The following CNTN1 variants were observed in gnomAD, a reference collection of about 807,000 sequenced individuals.
The protein encoded by CNTN1 is contactin 1, also known as contactin-1.
CNTN1 carries 38 observed loss-of-function variants against 126.4 expected under a neutral mutation model. The ratio of observed to expected loss-of-function variants is 0.30; its 90% CI spans 0.23 to 0.39. The LOEUF is 0.39. Ranked by LOEUF, CNTN1 falls within the 10% of genes least tolerant of loss-of-function variation. The pLI is 1.00. For missense variants in CNTN1, 1,009 were observed against 1,248.4 expected (o/e 0.81, Z 2.89); for synonymous variants, 413 against 422.6 (o/e 0.98, Z 0.28).
At chr12:40,922,219 T>G in intron 4 of CNTN1, 37 bp from the exon 5 acceptor site, 1 of 1,593,182 alleles carries the variant, frequency 6.3e-7, no homozygotes, top group Middle Eastern at 1.7e-4. Context: ...CTAGGTCTCA[T>G]GACCTGTGAT....
At chr12:40,992,311 A>G (rs574139615) in intron 16 of CNTN1, among the ~76,000 whole-genome samples, 1 of 152,248 alleles carries the variant, frequency 6.6e-6, no homozygotes, top group East Asian at 1.9e-4. Flanking sequence ...TTATGTATTC[A>G]TGGTCTACAT....
rs1472615017 is a variant in CNTN1, at chr12:40,808,725, AT to A, written c.-76-99630del. Among the ~76,000 whole-genome samples, 4 of 152,302 alleles carry A rather than the reference AT, an allele frequency of 2.6e-5. No individual in the cohort carries two copies. The East Asian group carries it at 7.7e-4, about 29-fold the overall frequency. ...AGCCTTTGAGGACAAGAGCTTTTAA[AT>A]TCCAACCACCAGATTGGGTTTTGAC... On this transcript the variant is annotated intron_variant, in intron 1 of 23. Transcript: ENST00000551295.
chr12:40,907,017 T>A (rs1234445636), intron 1 of CNTN1, among the ~76,000 whole-genome samples: 2 of 152,190 alleles, frequency 1.3e-5, no homozygotes, highest in African/African-American at 2.4e-5. Context: ...CAATTCTATG[T>A]CATGAGATTT....
chr12:40,967,656 T>C (rs1025761399), intron 15 of CNTN1, among the ~76,000 whole-genome samples: 58 of 152,106 alleles, frequency 3.8e-4, no homozygotes, highest in African/African-American at 1.4e-3. Context: ...TACCAGATAA[T>C]TATGCCAAAT....
intron 9 of CNTN1, 111 bp downstream of exon 9, chr12:40,933,989 C>T: frequency 7.7e-6 from 6 of 777,864 alleles, no homozygotes; most frequent in South Asian, 6.6e-5. Flanking sequence ...AACAGTGATG[C>T]ATGTTACATC....
intron 17 of CNTN1, among the ~76,000 whole-genome samples, chr12:41,010,676 T>C (rs1339051934): frequency 1.3e-5 from 2 of 152,202 alleles, no homozygotes; most frequent in Non-Finnish European, 1.5e-5. Flanking sequence ...GATAAAGGTA[T>C]GTTTTATGAG....
intron 14 of CNTN1, among the ~76,000 whole-genome samples, chr12:40,946,360 A>G (rs1946434450): frequency 6.6e-6 from 1 of 152,152 alleles, no homozygotes; most frequent in Non-Finnish European, 1.5e-5. Flanking sequence ...GTGAATATAT[A>G]TATGTCTCTT....
intron 14 of CNTN1, among the ~76,000 whole-genome samples, chr12:40,955,612 T>A (rs1012243288): frequency 6.6e-6 from 1 of 152,172 alleles, no homozygotes; most frequent in African/African-American, 2.4e-5. Context: ...ATTATTTTAA[T>A]GTATCTATTC....
chr12:40,901,997 A>C (rs1374975101), intron 1 of CNTN1, among the ~76,000 whole-genome samples: 1 of 152,242 alleles, frequency 6.6e-6, no homozygotes, highest in African/African-American at 2.4e-5. Flanking sequence ...AATTGTATTT[A>C]ATAATCCAAA....
intron 23 of CNTN1, among the ~76,000 whole-genome samples, chr12:41,043,503 G>T (rs1443700389): frequency 6.6e-6 from 1 of 152,088 alleles, no homozygotes; most frequent in Non-Finnish European, 1.5e-5. Context: ...GAAACAACAG[G>T]TGCTGGAGAG....
intron 23 of CNTN1, among the ~76,000 whole-genome samples, chr12:41,050,097 GCC>G (rs1949638038): frequency 6.6e-6 from 1 of 151,972 alleles, no homozygotes; most frequent in Admixed American, 6.6e-5. Context: ...ACAGGGTTTT[GCC>G]ATGTTGGCCA....
At chr12:40,877,019 T>C (rs965895478) in intron 1 of CNTN1, among the ~76,000 whole-genome samples, 21 of 152,168 alleles carry the variant, frequency 1.4e-4, no homozygotes, top group African/African-American at 5.1e-4. Flanking sequence ...AATTAATCAC[T>C]TGGTTTTGAG....
chr12:40,930,784 C>A (rs1018221694), intron 7 of CNTN1, among the ~76,000 whole-genome samples: 1 of 151,926 alleles, frequency 6.6e-6, no homozygotes, highest in Non-Finnish European at 1.5e-5. Context: ...TGCTATAATA[C>A]CATTGAGGTT....
Position 40,707,041 on chromosome 12 carries a change from CTT to C in CNTN1, c.-77+14450_-77+14451del, listed in dbSNP as rs1414012628. 2.9e-3 allele frequency among the ~76,000 whole-genome samples: 277 copies of C among 94,224 alleles called. 3 individuals are homozygous for C. Among genetic ancestry groups the C allele is most frequent in the African/African-American group, 0.01 (255 of 24,474 alleles). 61.8% of individuals were successfully genotyped at this position (94,224 alleles called of 152,430 possible). A position where few individuals can be genotyped will look rare whatever the true frequency, so the allele number is the denominator to read the frequency against. On this transcript the variant is annotated intron_variant, in intron 1 of 23. Coordinates refer to ENST00000551295, the MANE Select transcript of CNTN1 (RefSeq NM_001843.4). ...ACATATAAAGACGTGCGCGCGCGCG[CTT>C]GCGCACACACACACACACACACACA...
chr12:40,784,059 C>T (rs536680697), intron 1 of CNTN1, among the ~76,000 whole-genome samples: 3 of 152,214 alleles, frequency 2.0e-5, no homozygotes, highest in East Asian at 1.9e-4. Context: ...ATTATTACAG[C>T]ATAGTGTAAT....
chr12:40,951,578 G>T (rs1946681315), intron 14 of CNTN1, among the ~76,000 whole-genome samples: 1 of 151,616 alleles, frequency 6.6e-6, no homozygotes, highest in Non-Finnish European at 1.5e-5. Flanking sequence ...GGGTGGTGGT[G>T]CACACCTGTA....
At chr12:40,982,695 T>A (rs1006815770) in intron 16 of CNTN1, among the ~76,000 whole-genome samples, 1 of 151,958 alleles carries the variant, frequency 6.6e-6, no homozygotes, top group Admixed American at 6.6e-5. Context: ...GCAGTGAACA[T>A]AATAACAACA....
chr12:41,049,510 T>A (rs938396621), intron 23 of CNTN1, among the ~76,000 whole-genome samples: 6 of 152,250 alleles, frequency 3.9e-5, no homozygotes, highest in African/African-American at 1.2e-4. Context: ...ACCACTAAAA[T>A]AAATGTATTG....
intron 15 of CNTN1, among the ~76,000 whole-genome samples, chr12:40,961,792 C>A (rs1946969): frequency 0.69 from 104,749 of 151,898 alleles, 36,770 homozygotes; most frequent in African/African-American, 0.83. Flanking sequence ...AATACTAATA[C>A]ATTTCATGTA....
Sources: allele counts gnomAD v4.1 joint callset (sites outside exome capture counted in the v4.1 genomes callset), GRCh38; gene constraint gnomAD v4.1.1; transcripts MANE v1.5; gene names NCBI Gene and HGNC (gene_info 2026-07-23, HGNC 2026-07-21).